TMEM65: variants seen among roughly 807,000 people sequenced by gnomAD.
The protein encoded by TMEM65 is transmembrane protein 65.
In TMEM65, 22 loss-of-function variants were observed where a neutral mutation model predicts 25.4. That is an observed-to-expected ratio of 0.86 (90% CI 0.62 to 1.23). The LOEUF (loss-of-function observed/expected upper bound fraction) is 1.23, where lower values mean the gene tolerates loss of function less well. Ranked by LOEUF, TMEM65 falls within the 50% of genes most tolerant of loss-of-function variation. The pLI, the probability that TMEM65 is intolerant of heterozygous loss-of-function variation, is 0.00. For synonymous variants in TMEM65, 132 were observed against 126.2 expected (o/e 1.05, Z -0.31); for missense variants, 262 against 308.2 (o/e 0.85, Z 1.12).
chr8:124,330,762 C>G lies in TMEM65; in HGVS notation c.335G>C (p.Gly112Ala). 1 of 1,587,492 alleles carries G rather than the reference C, an allele frequency of 6.3e-7. No individual in the cohort carries two copies. The highest frequency in any genetic ancestry group is 8.5e-7 in the Non-Finnish European group (1 of 1,170,138). Residue 112 changes from glycine to alanine, a missense_variant, in exon 2 of 7, where the codon GGA becomes GCA. Transcript: ENST00000297632. ...AGAACCATTACCATATCTCAGCTGT[C>G]CTGGGGTGGGTGGTGGAGCTTCCAA... ...EKLEAPPPTP[G>A]QLRYVFIHNA...
chr8:124,330,858 T>C, intron 1 of TMEM65, 66 bp from the exon 2 acceptor site: 1 of 1,394,924 alleles, frequency 7.2e-7, no homozygotes, highest in Admixed American at 2.3e-5. Flanking sequence ...TTTATTACAA[T>C]GAAGAAAATA....
intron 1 of TMEM65, among the ~76,000 whole-genome samples, chr8:124,350,696 T>C (rs1814696964): frequency 6.6e-6 from 1 of 152,128 alleles, no homozygotes; most frequent in South Asian, 2.1e-4. Flanking sequence ...CTCTTCGCAA[T>C]ATTCTGAAGG....
chr8:124,340,698 C>T (rs180821156), intron 1 of TMEM65, among the ~76,000 whole-genome samples: 8 of 152,144 alleles, frequency 5.3e-5, no homozygotes, highest in East Asian at 1.9e-4. Context: ...TTATTAAAAA[C>T]GAGTGAGTTA....
At chr8:124,357,012 T>C (rs1029220436) in intron 1 of TMEM65, among the ~76,000 whole-genome samples, 4 of 151,778 alleles carry the variant, frequency 2.6e-5, no homozygotes, top group Non-Finnish European at 5.9e-5. Context: ...CTGGTCTTAT[T>C]CCCTCTTTCT....
intron 6 of TMEM65, among the ~76,000 whole-genome samples, chr8:124,315,323 T>C (rs1041535131): frequency 6.7e-6 from 1 of 149,590 alleles, no homozygotes; most frequent in Non-Finnish European, 1.5e-5. Context: ...AGTTTTTTTT[T>C]TGTTTGTTTT....
intron 2 of TMEM65, among the ~76,000 whole-genome samples, chr8:124,328,179 G>A (rs973046016): frequency 2.0e-5 from 3 of 152,056 alleles, no homozygotes; most frequent in African/African-American, 7.3e-5. Flanking sequence ...GCTGAGGCGG[G>A]CGGATCATGA....
intron 1 of TMEM65, among the ~76,000 whole-genome samples, chr8:124,363,852 A>AAAAAAAC (rs1814904777): frequency 4.0e-5 from 6 of 149,926 alleles, no homozygotes; most frequent in African/African-American, 1.5e-4. Context: ...AAAAAAAAAA[A>AAAAAAAC]AAAAAAAAAA....
intron 1 of TMEM65, among the ~76,000 whole-genome samples, chr8:124,363,950 T>C (rs2131230249): frequency 6.6e-6 from 1 of 151,940 alleles, no homozygotes; most frequent in South Asian, 2.1e-4. Flanking sequence ...AGTACAACTT[T>C]AGTAAGAGAA....
intron 1 of TMEM65, among the ~76,000 whole-genome samples, chr8:124,335,311 T>C (rs780088996): frequency 1.3e-5 from 2 of 152,164 alleles, no homozygotes; most frequent in African/African-American, 4.8e-5. Flanking sequence ...ACTGAAGCTA[T>C]AAGAATGTGT....
chr8:124,342,899 T>C (rs1203155017), intron 1 of TMEM65, among the ~76,000 whole-genome samples: 2 of 152,158 alleles, frequency 1.3e-5, no homozygotes, highest in Non-Finnish European at 2.9e-5. Context: ...TTTCATTCAA[T>C]TACCACATTT....
At chr8:124,347,097 G>A (rs1346001470) in intron 1 of TMEM65, among the ~76,000 whole-genome samples, 1 of 151,854 alleles carries the variant, frequency 6.6e-6, no homozygotes, top group African/African-American at 2.4e-5. Context: ...AATTAATATG[G>A]CCAAGTTATA....
rs184872677 is a variant in TMEM65, at chr8:124,343,709, G to C, written c.305-12917C>G. ...TCCTGGATGTGAACAGCTTTCCCAA[G>C]ATTACAAATCAAGACTTCTCTGTCA... On this transcript the variant is annotated intron_variant, in intron 1 of 6. Transcript: ENST00000297632. Among the ~76,000 whole-genome samples, 111 of 152,228 alleles carry C rather than the reference G, an allele frequency of 7.3e-4. 1 individual carries two copies. The highest frequency in any genetic ancestry group is 2.5e-3 in the African/African-American group (102 of 41,550).
At chr8:124,361,155 C>T (rs1040333902) in intron 1 of TMEM65, among the ~76,000 whole-genome samples, 7 of 152,188 alleles carry the variant, frequency 4.6e-5, no homozygotes, top group African/African-American at 1.4e-4. Context: ...AACTGTAGGC[C>T]GGGCACAGTG....
intron 1 of TMEM65, among the ~76,000 whole-genome samples, chr8:124,343,793 G>A (rs1814611461): frequency 6.6e-6 from 1 of 152,038 alleles, no homozygotes; most frequent in Non-Finnish European, 1.5e-5. Context: ...TTTATATATG[G>A]CAAGATAATG....
rs57541664 is a variant in TMEM65, at chr8:124,372,662, AGCC to A, written c.-508_-506del. 4.0e-4 allele frequency: 65 copies of A among 160,834 alleles called. No individual in the cohort carries two copies. Among genetic ancestry groups the A allele is most frequent in the Non-Finnish European group, 7.8e-4 (58 of 74,456 alleles). 10.0% of individuals were successfully genotyped at this position (160,834 alleles called of 1,614,324 possible). ...CAAAGCAGCCGCGCTCCCGAGCCGC[AGCC>A]GCCGCCGCCGCCGCTACCCCTAGCG... On this transcript the variant is annotated 5_prime_UTR_variant, in exon 1 of 7. Coordinates refer to ENST00000297632, the MANE Select transcript of TMEM65 (RefSeq NM_194291.3).
Position 124,371,972 on chromosome 8 carries a change from G to A in TMEM65, c.186C>T (p.Pro62=). 1.3e-6 allele frequency: 2 copies of A among 1,495,050 alleles called. No individual in the cohort carries two copies. Among genetic ancestry groups the A allele is most frequent in the Non-Finnish European group, 1.8e-6 (2 of 1,125,036 alleles). The allele number at this position is 1,495,050 out of a possible 1,614,324, so 92.6% of individuals were successfully genotyped here. A position where few individuals can be genotyped will look rare whatever the true frequency, so the allele number is the denominator to read the frequency against. Residue 62 remains proline (P), a synonymous_variant, in exon 1 of 7, where the codon CCC becomes CCT. Coordinates refer to ENST00000297632, the MANE Select transcript of TMEM65 (RefSeq NM_194291.3). ...CCTGCGCCGTGTTCAGCGCCTCCAT[G>A]GGCTCCTTCTTGGGGTGCGTGCCCA... ...RRLGTHPKKE[P]MEALNTAQGA... is the part of the protein sequence containing the mutation.
chr8:124,348,355 T>C (rs1227196117), intron 1 of TMEM65, among the ~76,000 whole-genome samples: 1 of 151,984 alleles, frequency 6.6e-6, no homozygotes, highest in Non-Finnish European at 1.5e-5. Flanking sequence ...CTTCAACAAC[T>C]ATATATACTT....
At chr8:124,342,959 G>T (rs942709064) in intron 1 of TMEM65, among the ~76,000 whole-genome samples, 1 of 152,084 alleles carries the variant, frequency 6.6e-6, no homozygotes. Flanking sequence ...ACATAAGGCC[G>T]ATGCTGTAAG....
intron 1 of TMEM65, among the ~76,000 whole-genome samples, chr8:124,333,190 C>A (rs557273800): frequency 5.9e-4 from 89 of 151,446 alleles, no homozygotes; most frequent in Middle Eastern, 3.4e-3. Flanking sequence ...AAAAAAATTA[C>A]CTATAAAATA....
Sources: allele counts gnomAD v4.1 joint callset (sites outside exome capture counted in the v4.1 genomes callset), GRCh38; gene constraint gnomAD v4.1.1; transcripts MANE v1.5; gene names NCBI Gene and HGNC (gene_info 2026-07-23, HGNC 2026-07-21).